The following FAM13C variants were observed in gnomAD, a reference collection of about 807,000 sequenced individuals.
FAM13C encodes family with sequence similarity 13 member C, also known as protein FAM13C.
FAM13C carries 37 observed loss-of-function variants against 73.2 expected under a neutral mutation model. The observed-to-expected ratio is 0.51, with a 90% CI of 0.39 to 0.67. The LOEUF is 0.67. Among genes scored for constraint, FAM13C ranks in the 30% least tolerant of loss-of-function variants. The pLI, the probability that FAM13C is intolerant of heterozygous loss-of-function variation, is 0.00. For missense variants in FAM13C, 589 were observed against 715.6 expected, an observed-to-expected ratio of 0.82 and a Z score of 2.02; for synonymous variants, 246 against 260.9, an observed-to-expected ratio of 0.94 and a Z score of 0.55.
chr10:59,362,749 G>C (rs2132255552), upstream of FAM13C: 3 of 502,984 alleles, frequency 6.0e-6, no homozygotes, highest in South Asian at 6.3e-5. Context: ...GTTACCACAC[G>C]ACCCCGACCT....
chr10:59,344,901 A>T (rs1357321474), intron 3 of FAM13C, among the ~76,000 whole-genome samples: 1 of 150,332 alleles, frequency 6.7e-6, no homozygotes, highest in Admixed American at 6.6e-5. Flanking sequence ...TGGAGGCACA[A>T]CAGGTACCAA....
At chr10:59,326,792 C>G (rs751687766) in intron 3 of FAM13C, among the ~76,000 whole-genome samples, 6 of 152,164 alleles carry the variant, frequency 3.9e-5, no homozygotes, top group Non-Finnish European at 8.8e-5. Context: ...CCCCAGACAG[C>G]CTGAAGCAGA....
chr10:59,344,001 G>A (rs142241916), intron 3 of FAM13C, among the ~76,000 whole-genome samples: 22,992 of 141,346 alleles, frequency 0.16, 2,149 homozygotes, highest in East Asian at 0.33. Context: ...TCGCTCTGTC[G>A]CCCAGGCTGG....
At chr10:59,302,390 C>A (rs951455123) in intron 5 of FAM13C, among the ~76,000 whole-genome samples, 1 of 152,170 alleles carries the variant, frequency 6.6e-6, no homozygotes, top group Non-Finnish European at 1.5e-5. Context: ...TAAACTATAT[C>A]ATTCTTAGTG....
At chr10:59,274,886 G>A (rs2133603873) in intron 6 of FAM13C, among the ~76,000 whole-genome samples, 2 of 152,298 alleles carry the variant, frequency 1.3e-5, no homozygotes, top group Middle Eastern at 6.8e-3. Context: ...GAGCTGTGGA[G>A]CTAGGGAAAG....
intron 5 of FAM13C, among the ~76,000 whole-genome samples, chr10:59,301,983 G>C (rs74153324): frequency 1.3e-5 from 2 of 151,724 alleles, no homozygotes; most frequent in South Asian, 2.1e-4. Flanking sequence ...GAGAGGAAGA[G>C]GAGGAAGGGA....
chr10:59,324,036 G>C lies in FAM13C; in HGVS notation c.395C>G (p.Pro132Arg), dbSNP rs148542749. ...VRAGTPAHES[P>R]QNNAFKCQET... The stretch of plus-strand genomic sequence containing the variant: ...TTGGCACTTGAAGGCATTGTTTTGT[G>C]GACTCTCATGAGCTGGTGTTCCTGC... The change falls in exon 4 of 14, where the codon CCA (proline) becomes CGA (arginine). Residue 132 changes from proline (P) to arginine (R), a missense_variant. By Grantham distance (103) the Pro-to-Arg change is moderately radical (BLOSUM62 -2). Coordinates refer to ENST00000618804, the MANE Select transcript of FAM13C (RefSeq NM_198215.4). The C allele has an allele frequency of 1.8e-5, 29 of 1,613,962 alleles. No individual in the cohort carries two copies. The African/African-American group carries it at 3.5e-4, about 19-fold the overall frequency.
chr10:59,291,419 C>T (rs562813045), intron 5 of FAM13C, among the ~76,000 whole-genome samples: 1 of 152,296 alleles, frequency 6.6e-6, no homozygotes, highest in Admixed American at 6.5e-5. Context: ...GTTTGCAGCA[C>T]AGCACACCTC....
intron 5 of FAM13C, among the ~76,000 whole-genome samples, chr10:59,287,145 T>G (rs1455846190): frequency 2.6e-5 from 4 of 151,318 alleles, no homozygotes; most frequent in Non-Finnish European, 5.9e-5. Context: ...GAGACCAGCC[T>G]GACCAATATG....
intron 4 of FAM13C, among the ~76,000 whole-genome samples, chr10:59,311,397 G>A (rs2133933212): frequency 6.6e-6 from 1 of 152,338 alleles, no homozygotes; most frequent in South Asian, 2.1e-4. Context: ...GACATTATTA[G>A]GAGTAATAAT....
At chr10:59,248,935 T>C (rs894666689) in intron 13 of FAM13C, among the ~76,000 whole-genome samples, 1 of 152,202 alleles carries the variant, frequency 6.6e-6, no homozygotes, top group African/African-American at 2.4e-5. Flanking sequence ...TTATATAACA[T>C]ATATCTTTGC....
chr10:59,303,765 T>G (rs960875373), intron 4 of FAM13C, among the ~76,000 whole-genome samples: 4 of 152,200 alleles, frequency 2.6e-5, no homozygotes, highest in Non-Finnish European at 5.9e-5. Flanking sequence ...ATAAATTTGT[T>G]CCCATTGTGG....
At chr10:59,317,788 C>T (rs1187699557) in intron 4 of FAM13C, among the ~76,000 whole-genome samples, 1 of 151,798 alleles carries the variant, frequency 6.6e-6, no homozygotes, top group African/African-American at 2.4e-5. Flanking sequence ...TACATGTGCA[C>T]AATGTGCAGG....
intron 5 of FAM13C, among the ~76,000 whole-genome samples, chr10:59,285,241 G>T (rs1057279221): frequency 1.2e-4 from 19 of 152,142 alleles, no homozygotes; most frequent in African/African-American, 4.1e-4. Context: ...GTGGGACTGG[G>T]CCATTTTTTT....
intron 4 of FAM13C, among the ~76,000 whole-genome samples, chr10:59,323,644 T>C (rs1850662555): frequency 6.6e-6 from 1 of 152,154 alleles, no homozygotes; most frequent in Non-Finnish European, 1.5e-5. Flanking sequence ...TCATCACAAA[T>C]TTATCACTAT....
At position 59,275,137 on chromosome 10, in the gene FAM13C, G is replaced by A. The variant is rs187375715; in HGVS notation, c.593-5028C>T. 1.1e-3 allele frequency among the ~76,000 whole-genome samples: 175 copies of A among 152,236 alleles called. 1 individual carries two copies. The highest frequency in any genetic ancestry group is 3.9e-3 in the African/African-American group (162 of 41,550). ...GAAGCACTATGGGGAGAATATTTGG[G>A]GAACATTGAATATACAAAGCAAACA... On this transcript the variant is annotated intron_variant, in intron 6 of 13. Transcript: ENST00000618804.
chr10:59,310,224 AG>A (rs1213554990), intron 4 of FAM13C, among the ~76,000 whole-genome samples: 2 of 152,196 alleles, frequency 1.3e-5, no homozygotes, highest in Non-Finnish European at 2.9e-5. Context: ...CTCTATGAGA[AG>A]GCAATACTTG....
At chr10:59,314,165 G>A (rs1849258224) in intron 4 of FAM13C, among the ~76,000 whole-genome samples, 1 of 152,142 alleles carries the variant, frequency 6.6e-6, no homozygotes, top group African/African-American at 2.4e-5. Context: ...AAATGGTGGA[G>A]AGAAGAGAGA....
In FAM13C at chr10:59,348,544, C is replaced by T. The variant is rs187258010; in HGVS notation, c.324+3726G>A. Among the ~76,000 whole-genome samples the T allele has an allele frequency of 4.1e-4, 62 of 152,326 alleles. No individual in the cohort carries two copies. In the East Asian group the frequency reaches 0.012, roughly 28 times the overall value. ...TTGACTTATCCACAGTTATTTCTCT[C>T]ATTTGAATCTAGCTACATCTAGGCC... On this transcript the variant is annotated intron_variant, in intron 3 of 13. Coordinates refer to ENST00000618804, the MANE Select transcript of FAM13C (RefSeq NM_198215.4).
Sources: allele counts gnomAD v4.1 joint callset (sites outside exome capture counted in the v4.1 genomes callset), GRCh38; gene constraint gnomAD v4.1.1; transcripts MANE v1.5; gene names NCBI Gene and HGNC (gene_info 2026-07-23, HGNC 2026-07-21).